LEMD3: variants seen among roughly 807,000 people sequenced by gnomAD.
The protein encoded by LEMD3 is LEM domain containing 3, also known as inner nuclear membrane protein Man1.
A neutral mutation model predicts 95.2 loss-of-function variants in LEMD3; 33 were observed. The ratio of observed to expected loss-of-function variants is 0.35; its 90% CI spans 0.26 to 0.46. The LOEUF (loss-of-function observed/expected upper bound fraction) is 0.46. Among genes scored for constraint, LEMD3 ranks in the 20% least tolerant of loss-of-function variants. The pLI is 1.00. For missense variants in LEMD3, 1,210 were observed against 1,192.8 expected (o/e 1.01, Z -0.21); for synonymous variants, 525 against 474.6 (o/e 1.11, Z -1.38).
intron 1 of LEMD3, among the ~76,000 whole-genome samples, chr12:65,194,451 G>T (rs1427538961): frequency 6.6e-6 from 1 of 152,100 alleles, no homozygotes; most frequent in South Asian, 2.1e-4. Context: ...GCTGCTAATT[G>T]GTTGTGGATG....
intron 4 of LEMD3, among the ~76,000 whole-genome samples, chr12:65,220,669 C>G (rs1471639523): frequency 1.3e-5 from 2 of 152,076 alleles, no homozygotes; most frequent in Non-Finnish European, 2.9e-5. Flanking sequence ...AGCTTTTCTT[C>G]TATGTTTTCT....
intron 1 of LEMD3, among the ~76,000 whole-genome samples, chr12:65,177,286 C>T (rs983296477): frequency 6.6e-6 from 1 of 152,096 alleles, no homozygotes; most frequent in South Asian, 2.1e-4. Flanking sequence ...AGGGTGATGA[C>T]ACCTGAAGGA....
At chr12:65,184,998 A>T (rs1869016811) in intron 1 of LEMD3, among the ~76,000 whole-genome samples, 1 of 151,942 alleles carries the variant, frequency 6.6e-6, no homozygotes, top group South Asian at 2.1e-4. Flanking sequence ...TTTTTGAAAG[A>T]GATGTGTCTT....
Position 65,171,033 on chromosome 12 carries a change from T to A in LEMD3, c.1437T>A (p.Thr479=). The A allele has an allele frequency of 6.2e-7, 1 of 1,614,248 alleles. No homozygotes were observed. Among genetic ancestry groups the A allele is most frequent in the African/African-American group, 1.3e-5 (1 of 75,072 alleles). The change falls in exon 1 of 13, where the codon ACT becomes ACA. Residue 479 remains threonine (T), a synonymous_variant. Transcript: ENST00000308330. ...ACTACTTGTCGATGTTTCTCTTAACTGCTGCCTGCTTATTTTTCCTAATAC... is the reference window on the plus strand; with the variant it reads ...ACTACTTGTCGATGTTTCTCTTAACAGCTGCCTGCTTATTTTTCCTAATAC... ...SAHYLSMFLL[T]AACLFFLILG...
At chr12:65,201,180 C>T (rs1472004086) in intron 1 of LEMD3, among the ~76,000 whole-genome samples, 1 of 152,128 alleles carries the variant, frequency 6.6e-6, no homozygotes, top group South Asian at 2.1e-4. Context: ...TTACCAATAC[C>T]ACACTGTCTA....
rs367612390 is a variant in LEMD3 at position 65,170,774 on chromosome 12, T to C, written c.1178T>C (p.Ile393Thr). The change falls in exon 1 of 13, where the codon ATT becomes ACT. Residue 393 changes from isoleucine (I) to threonine (T), a missense_variant. Around this residue, in one of 2 missense-constraint regions of LEMD3, gnomAD observed 749 missense variants for 622.9 expected, o/e 1.20. Transcript: ENST00000308330. Reference sequence around the variant, plus strand: ...TCCCTTCTGAAAACCAATAATCATATTGGCGGTGGGGCCTTCAGTGTGGAC... The same window carrying C: ...TCCCTTCTGAAAACCAATAATCATACTGGCGGTGGGGCCTTCAGTGTGGAC... ...TGSLLKTNNH[I>T]GGGAFSVDSP... 6.2e-6 allele frequency: 10 copies of C among 1,614,080 alleles called. No homozygotes were observed. In the African/African-American group the frequency reaches 1.3e-4, roughly 22 times the overall value.
chr12:65,209,594 T>C (rs763683840), intron 1 of LEMD3, among the ~76,000 whole-genome samples: 3 of 152,126 alleles, frequency 2.0e-5, no homozygotes, highest in Non-Finnish European at 4.4e-5. Flanking sequence ...CTTGAAGCTA[T>C]ATTATTTCTT....
intron 6 of LEMD3, among the ~76,000 whole-genome samples, chr12:65,239,390 T>A (rs1053549959): frequency 2.0e-5 from 3 of 151,900 alleles, no homozygotes; most frequent in African/African-American, 4.8e-5. Flanking sequence ...TACAAAAAAA[T>A]TTTTAAAATT....
intron 10 of LEMD3, among the ~76,000 whole-genome samples, chr12:65,244,874 C>T (rs576104816): frequency 6.6e-6 from 1 of 152,068 alleles, no homozygotes; most frequent in South Asian, 2.1e-4. Flanking sequence ...TGGTTTGAGC[C>T]TGGGAGGCAC....
At chr12:65,201,898 T>G (rs533045343) in intron 1 of LEMD3, among the ~76,000 whole-genome samples, 1 of 152,274 alleles carries the variant, frequency 6.6e-6, no homozygotes, top group East Asian at 1.9e-4. Flanking sequence ...ATTAAGCATG[T>G]GTAAACTGTA....
intron 4 of LEMD3, among the ~76,000 whole-genome samples, chr12:65,222,881 T>C (rs1356690069): frequency 1.3e-5 from 2 of 152,134 alleles, no homozygotes; most frequent in African/African-American, 2.4e-5. Flanking sequence ...TTTCTTTTGA[T>C]TTCTGCTTTG....
At chr12:65,180,006 G>C (rs1487064993) in intron 1 of LEMD3, among the ~76,000 whole-genome samples, 1 of 151,974 alleles carries the variant, frequency 6.6e-6, no homozygotes, top group East Asian at 1.9e-4. Context: ...GTGCAGTGGT[G>C]CAATATCGGC....
At chr12:65,205,511 A>G (rs867151362) in intron 1 of LEMD3, among the ~76,000 whole-genome samples, 7 of 152,152 alleles carry the variant, frequency 4.6e-5, no homozygotes, top group Non-Finnish European at 1.0e-4. Context: ...TTATAGTCTT[A>G]GTGCTTTGAT....
chr12:65,214,906 G>C (rs1165522246), intron 2 of LEMD3, among the ~76,000 whole-genome samples: 2 of 151,772 alleles, frequency 1.3e-5, no homozygotes, highest in African/African-American at 4.8e-5. Context: ...TAGACTACTT[G>C]GCAGGTACTT....
At chr12:65,171,239 C>A in intron 1 of LEMD3, 121 bp downstream of exon 1, 1 of 1,519,664 alleles carries the variant, frequency 6.6e-7, no homozygotes, top group Non-Finnish European at 8.9e-7. Flanking sequence ...ACAGCAAAAA[C>A]GCAACAGTGC....
intron 6 of LEMD3, 103 bp downstream of exon 6, chr12:65,238,917 A>G (rs771199493): frequency 4.7e-6 from 5 of 1,071,786 alleles, no homozygotes; most frequent in African/African-American, 3.1e-5. Flanking sequence ...TGGTTGCCAC[A>G]TAAGTCACAG....
At chr12:65,213,231 G>GT (rs1869998788) in intron 2 of LEMD3, among the ~76,000 whole-genome samples, 1 of 152,004 alleles carries the variant, frequency 6.6e-6, no homozygotes, top group Admixed American at 6.6e-5. Context: ...TTGTTTGTTT[G>GT]TTTGTTTTTT....
At chr12:65,240,420 G>T in intron 8 of LEMD3, 182 bp downstream of exon 8, 1 of 568,810 alleles carries the variant, frequency 1.8e-6, no homozygotes, top group Non-Finnish European at 3.1e-6. Flanking sequence ...CCATTCTCCT[G>T]ATTTTGAGTG....
At chr12:65,171,488 G>A (rs1868549708) in intron 1 of LEMD3, 2 of 254,738 alleles carry the variant, frequency 7.9e-6, no homozygotes, top group Admixed American at 1.0e-4. Flanking sequence ...CATTATAAAT[G>A]TAGTGTTTTT....
Sources: allele counts gnomAD v4.1 joint callset (sites outside exome capture counted in the v4.1 genomes callset), GRCh38; gene constraint gnomAD v4.1.1; regional missense constraint gnomAD v4.1.1; transcripts MANE v1.5; gene names NCBI Gene and HGNC (gene_info 2026-07-23, HGNC 2026-07-21).